Variants in RAD18 observed in about 807,000 individuals in gnomAD.
RAD18 encodes the protein E3 ubiquitin-protein ligase RAD18.
A neutral mutation model predicts 60.4 loss-of-function variants in RAD18; 47 were observed. The observed-to-expected ratio is 0.78, with a 90% CI of 0.62 to 0.99. RAD18 has a LOEUF of 0.99. Among genes scored for constraint, RAD18 ranks in the 50% least tolerant of loss-of-function variants. The pLI, the probability that RAD18 is intolerant of heterozygous loss-of-function variation, is 0.00. For synonymous variants in RAD18, 225 were observed against 195.5 expected (o/e 1.15, Z -1.26); for missense variants, 640 against 593.3 (o/e 1.08, Z -0.82).
chr3:8,935,893 G>T lies in RAD18; in HGVS notation c.867C>A (p.Cys289Ter), dbSNP rs770453502. 2.5e-6 allele frequency: 4 copies of T among 1,596,270 alleles called. No individual in the cohort carries two copies. The highest frequency in any genetic ancestry group is 3.4e-6 in the Non-Finnish European group (4 of 1,173,670). Residue 289 changes from cysteine to a stop codon, truncating the protein, a stop_gained, in exon 7 of 13, where the codon TGC (cysteine) becomes TGA (stop). Transcript: ENST00000264926. LOFTEE classifies it high-confidence loss of function. ...QEFVHMYNAQ[C>*]DALHPKSAAE... ...TACCTGATTTAGGATGCAAAGCATC[G>T]CATTGGGCATTGTACATGTGTACAA...
chr3:8,894,792 G>A (rs144044917), intron 11 of RAD18, among the ~76,000 whole-genome samples: 3,234 of 136,776 alleles, frequency 0.024, 109 homozygotes, highest in African/African-American at 0.084. Context: ...ATGGAGTCTC[G>A]CTTTGTCACC....
chr3:8,893,117 G>T (rs1939721975), intron 11 of RAD18, among the ~76,000 whole-genome samples: 1 of 152,134 alleles, frequency 6.6e-6, no homozygotes, highest in African/African-American at 2.4e-5. Context: ...GCTCCAATTT[G>T]CCCGAGAAAA....
chr3:8,897,581 G>A (rs575775953), intron 11 of RAD18, among the ~76,000 whole-genome samples: 1 of 152,150 alleles, frequency 6.6e-6, no homozygotes, highest in Non-Finnish European at 1.5e-5. Context: ...ATTTGGTCTT[G>A]ACTGGTAGTC....
chr3:8,921,344 C>T (rs1940316529), intron 7 of RAD18, among the ~76,000 whole-genome samples: 1 of 152,148 alleles, frequency 6.6e-6, no homozygotes, highest in South Asian at 2.1e-4. Context: ...CTCAACAGCA[C>T]ATCTGCACTA....
chr3:8,884,402 A>G (rs1939522331), intron 12 of RAD18, among the ~76,000 whole-genome samples: 1 of 152,070 alleles, frequency 6.6e-6, no homozygotes, highest in Non-Finnish European at 1.5e-5. Context: ...TATCACTCTT[A>G]TCATTTTTAC....
intron 12 of RAD18, among the ~76,000 whole-genome samples, chr3:8,885,365 T>A (rs1939541350): frequency 6.6e-6 from 1 of 152,240 alleles, no homozygotes; most frequent in Non-Finnish European, 1.5e-5. Context: ...TGCAAACAAC[T>A]TCTTATGGGT....
Position 8,950,797 on chromosome 3 carries a change from T to C in RAD18, c.134-2227A>G, listed in dbSNP as rs147459749. On this transcript the variant is annotated intron_variant, in intron 2 of 12. Coordinates refer to ENST00000264926, the MANE Select transcript of RAD18 (RefSeq NM_020165.4). ...AAAGTAGACAACATGCAAGAACAGA[T>C]GGGAACATAAGCAGAGAGGTGGAAA... Among the ~76,000 whole-genome samples the C allele has an allele frequency of 6.9e-3, 1,048 of 152,136 alleles. 8 individuals carry two copies. Among genetic ancestry groups the C allele is most frequent in the African/African-American group, 0.024 (1,004 of 41,478 alleles).
rs1939449663 is a variant in RAD18 at position 8,880,985 on chromosome 3, C to G, written c.*372G>C. 5.9e-6 allele frequency: 1 copy of G among 169,216 alleles called. No individual in the cohort carries two copies. Among genetic ancestry groups the G allele is most frequent in the Non-Finnish European group, 1.3e-5 (1 of 79,044 alleles). 10.5% of individuals were successfully genotyped at this position (169,216 alleles called of 1,614,324 possible). On this transcript the variant is annotated 3_prime_UTR_variant, in exon 13 of 13. Coordinates refer to ENST00000264926, the MANE Select transcript of RAD18 (RefSeq NM_020165.4). Reference sequence around the variant, plus strand: ...AAGTTGAAAGAATCCTTTTGTGAGGCTGGATTCTCCATGGAAGAGAAGGAG... The same window carrying G: ...AAGTTGAAAGAATCCTTTTGTGAGGGTGGATTCTCCATGGAAGAGAAGGAG...
At chr3:8,887,553 G>C (rs1939589802) in intron 12 of RAD18, among the ~76,000 whole-genome samples, 2 of 152,138 alleles carry the variant, frequency 1.3e-5, no homozygotes, top group South Asian at 4.1e-4. Context: ...GCTTGTTGTT[G>C]TTGCTTTTTG....
At chr3:8,950,116 C>T (rs1473791015) in intron 2 of RAD18, among the ~76,000 whole-genome samples, 13 of 152,192 alleles carry the variant, frequency 8.5e-5, no homozygotes, top group East Asian at 1.9e-4. Context: ...ATGCAACCTC[C>T]GCCTCCTGGG....
At chr3:8,937,474 A>G (rs1043180621) in intron 6 of RAD18, among the ~76,000 whole-genome samples, 2 of 150,670 alleles carry the variant, frequency 1.3e-5, no homozygotes, top group African/African-American at 5.0e-5. Flanking sequence ...AAGGGGCCTC[A>G]GAATCTGAGG....
chr3:8,886,908 G>A (rs1939575281), intron 12 of RAD18, among the ~76,000 whole-genome samples: 1 of 152,172 alleles, frequency 6.6e-6, no homozygotes, highest in African/African-American at 2.4e-5. Context: ...CAGGTAGGCT[G>A]GGGCCAGAAC....
chr3:8,908,377 G>A (rs1367670773), intron 9 of RAD18, among the ~76,000 whole-genome samples: 1 of 151,956 alleles, frequency 6.6e-6, no homozygotes, highest in Non-Finnish European at 1.5e-5. Context: ...ATTAGGATGA[G>A]CCCTAATCCA....
chr3:8,903,848 T>C (rs181195958), intron 9 of RAD18, among the ~76,000 whole-genome samples: 1 of 152,334 alleles, frequency 6.6e-6, no homozygotes, highest in African/African-American at 2.4e-5. Flanking sequence ...AATGTACTTG[T>C]TATCACTTGG....
chr3:8,901,808 T>A (rs1398828087), intron 10 of RAD18, among the ~76,000 whole-genome samples: 1 of 152,258 alleles, frequency 6.6e-6, no homozygotes, highest in Non-Finnish European at 1.5e-5. Context: ...AACATTGTGT[T>A]ATGTATATTT....
chr3:8,925,827 T>C lies in RAD18; in HGVS notation c.889+10044A>G, dbSNP rs555573293. Among the ~76,000 whole-genome samples the C allele has an allele frequency of 3.2e-4, 48 of 152,278 alleles. 1 individual carries two copies. The highest frequency in any genetic ancestry group is 1.1e-3 in the African/African-American group (47 of 41,554). On this transcript the variant is annotated intron_variant, in intron 7 of 12. Transcript: ENST00000264926. Reference sequence around the variant, plus strand: ...GACAAAAACCACATGATTATCTCAATAGATGCAGAAAAGGCATTTGACAAA... The same window carrying C: ...GACAAAAACCACATGATTATCTCAACAGATGCAGAAAAGGCATTTGACAAA...
intron 12 of RAD18, among the ~76,000 whole-genome samples, chr3:8,883,522 C>G (rs1939508263): frequency 6.6e-6 from 1 of 152,160 alleles, no homozygotes; most frequent in African/African-American, 2.4e-5. Context: ...TACAGAAACT[C>G]AGCAAAACCA....
chr3:8,935,206 T>C (rs1313228040), intron 7 of RAD18, among the ~76,000 whole-genome samples: 1 of 152,230 alleles, frequency 6.6e-6, no homozygotes, highest in African/African-American at 2.4e-5. Flanking sequence ...TGTTTGCATG[T>C]TATTCTCCAA....
At chr3:8,915,147 C>CAAAAAAAAA (rs373157801) in intron 7 of RAD18, among the ~76,000 whole-genome samples, 6 of 101,440 alleles carry the variant, frequency 5.9e-5, no homozygotes, top group Admixed American at 1.1e-4. Flanking sequence ...GACTCCGTCT[C>CAAAAAAAAA]AAAAAAAAAA....
Sources: gnomAD v4.1 joint callset for allele counts (sites outside exome capture counted in the v4.1 genomes callset) on GRCh38, gnomAD v4.1.1 for gene constraint, MANE v1.5 for transcripts, NCBI Gene and HGNC (gene_info 2026-07-23, HGNC 2026-07-21) for gene names.